The following PHLPP1 variants were observed in gnomAD, a reference collection of about 807,000 sequenced individuals.
The protein encoded by PHLPP1 is PH domain leucine-rich repeat-containing protein phosphatase 1.
In PHLPP1, 42 loss-of-function variants were observed where a neutral mutation model predicts 117.2. The observed-to-expected ratio is 0.36, with a 90% CI of 0.28 to 0.46. PHLPP1 has a LOEUF of 0.46. Ranked by LOEUF, PHLPP1 falls within the 20% of genes least tolerant of loss-of-function variation. The pLI is 1.00. For synonymous variants in PHLPP1, 1,042 were observed against 970.7 expected (o/e 1.07, Z -1.37); for missense variants, 2,084 against 2,241.9 (o/e 0.93, Z 1.42).
chr18:62,878,423 A>G (rs1370521354), intron 4 of PHLPP1, among the ~76,000 whole-genome samples: 2 of 152,224 alleles, frequency 1.3e-5, no homozygotes, highest in Non-Finnish European at 2.9e-5. Flanking sequence ...TCTGGAGCTC[A>G]TTCAGACAAC....
intron 6 of PHLPP1, 124 bp downstream of exon 6, chr18:62,896,135 G>A (rs1489568808): frequency 9.6e-6 from 6 of 625,246 alleles, no homozygotes; most frequent in Admixed American, 2.9e-5. Context: ...TTCTATTTCT[G>A]CCTAGAGGGA....
chr18:62,875,704 A>G lies in PHLPP1; in HGVS notation c.2066+15103A>G, dbSNP rs189308243. ...GTATTTGTAGCAACTTCTTTGCAAAAGGTATTTGTAGCAACTTTTTTTTTT... is the reference window on the plus strand; with the variant it reads ...GTATTTGTAGCAACTTCTTTGCAAAGGGTATTTGTAGCAACTTTTTTTTTT... On this transcript the variant is annotated intron_variant, in intron 4 of 16. Coordinates refer to ENST00000262719, the MANE Select transcript of PHLPP1 (RefSeq NM_194449.4). Among the ~76,000 whole-genome samples, 5 of 145,394 alleles carry G rather than the reference A, an allele frequency of 3.4e-5. No individual in the cohort carries two copies. The East Asian group carries it at 7.9e-4, about 23-fold the overall frequency.
intron 14 of PHLPP1, among the ~76,000 whole-genome samples, chr18:62,970,106 C>G (rs972691145): frequency 1.3e-5 from 2 of 151,446 alleles, no homozygotes; most frequent in African/African-American, 4.9e-5. Context: ...CTTATTCTAC[C>G]GTGTGTCTCT....
At chr18:62,836,839 C>T (rs1914918305) in intron 2 of PHLPP1, among the ~76,000 whole-genome samples, 1 of 151,898 alleles carries the variant, frequency 6.6e-6, no homozygotes, top group Admixed American at 6.6e-5. Flanking sequence ...AGGCTGTAAT[C>T]CCATCTACTC....
At chr18:62,860,303 G>T in intron 3 of PHLPP1, 132 bp from the exon 4 acceptor site, 2 of 720,314 alleles carry the variant, frequency 2.8e-6, no homozygotes, top group South Asian at 1.8e-5. Context: ...ATACTCTGTT[G>T]GTTTATATTT....
chr18:62,736,834 A>G (rs929298930), intron 1 of PHLPP1, among the ~76,000 whole-genome samples: 3 of 152,214 alleles, frequency 2.0e-5, no homozygotes, highest in Admixed American at 1.3e-4. Flanking sequence ...GGTAACTCTC[A>G]GGAAGTGATA....
intron 1 of PHLPP1, among the ~76,000 whole-genome samples, chr18:62,761,464 C>A (rs1912229371): frequency 6.6e-6 from 1 of 151,776 alleles, no homozygotes; most frequent in Admixed American, 6.5e-5. Flanking sequence ...AACCCCGTCT[C>A]TACTAAAAAT....
At chr18:62,820,934 A>T (rs1914433777) in intron 1 of PHLPP1, among the ~76,000 whole-genome samples, 1 of 152,258 alleles carries the variant, frequency 6.6e-6, no homozygotes, top group South Asian at 2.1e-4. Context: ...ATGGGATTAA[A>T]CCAGAGACCA....
chr18:62,920,723 C>A (rs1208464675), intron 10 of PHLPP1, among the ~76,000 whole-genome samples: 2 of 151,976 alleles, frequency 1.3e-5, no homozygotes, highest in Non-Finnish European at 2.9e-5. Flanking sequence ...CCACGCCCAG[C>A]TAATTTTTTG....
chr18:62,951,159 T>G (rs956003355), intron 12 of PHLPP1, among the ~76,000 whole-genome samples: 8 of 152,166 alleles, frequency 5.3e-5, no homozygotes, highest in African/African-American at 1.7e-4. Flanking sequence ...TTTTTTGTAT[T>G]TTTAGTAGAG....
At chr18:62,825,598 C>G (rs1476957676) in intron 1 of PHLPP1, 1 of 151,686 alleles carries the variant, frequency 6.6e-6, no homozygotes, top group African/African-American at 2.4e-5. Flanking sequence ...TTAGCTGGGA[C>G]TACAGGTGCC....
At chr18:62,973,707 G>C (rs1911116056) in intron 15 of PHLPP1, among the ~76,000 whole-genome samples, 1 of 152,188 alleles carries the variant, frequency 6.6e-6, no homozygotes, top group Admixed American at 6.5e-5. Context: ...CTGACTTTCA[G>C]ATTCTCAGTG....
intron 1 of PHLPP1, among the ~76,000 whole-genome samples, chr18:62,821,548 C>CAAAAAAAAAAAAAAAAAAAAAAAAAAA (rs1568127680): frequency 6.8e-4 from 20 of 29,296 alleles, no homozygotes; most frequent in Non-Finnish European, 7.0e-4. Flanking sequence ...GACCCTTTAT[C>CAAAAAAAAAAAAAAAAAAAAAAAAAAA]CAAAAAAAAA....
At chr18:62,757,738 T>C (rs190537766) in intron 1 of PHLPP1, among the ~76,000 whole-genome samples, 1 of 152,368 alleles carries the variant, frequency 6.6e-6, no homozygotes, top group Admixed American at 6.5e-5. Flanking sequence ...GCCTTGGTGC[T>C]TGCTTACCTT....
intron 14 of PHLPP1, among the ~76,000 whole-genome samples, chr18:62,966,401 A>G (rs1050678392): frequency 1.4e-5 from 2 of 144,724 alleles, no homozygotes; most frequent in Non-Finnish European, 3.0e-5. Flanking sequence ...TTATTAATTT[A>G]TATATGTAAG....
chr18:62,976,636 A>C (rs769568663), intron 16 of PHLPP1, among the ~76,000 whole-genome samples: 1 of 152,236 alleles, frequency 6.6e-6, no homozygotes. Flanking sequence ...CTCCAAGAAT[A>C]GACAGAGAAC....
chr18:62,802,971 AG>A (rs1175789909), intron 1 of PHLPP1, among the ~76,000 whole-genome samples: 4 of 152,214 alleles, frequency 2.6e-5, no homozygotes, highest in South Asian at 4.1e-4. Flanking sequence ...GGTTGAATAA[AG>A]GTAAGTGGCA....
At chr18:62,966,092 C>G (rs1015263524) in intron 14 of PHLPP1, among the ~76,000 whole-genome samples, 12 of 152,018 alleles carry the variant, frequency 7.9e-5, no homozygotes, top group African/African-American at 2.9e-4. Context: ...TACTTTCTTG[C>G]TGTGTGACCA....
intron 6 of PHLPP1, among the ~76,000 whole-genome samples, chr18:62,902,308 A>G (rs541905459): frequency 6.6e-6 from 1 of 152,110 alleles, no homozygotes; most frequent in Non-Finnish European, 1.5e-5. Context: ...TATTTTCTGC[A>G]CTTCACTCTA....
Sources: gnomAD v4.1 joint callset for allele counts (sites outside exome capture counted in the v4.1 genomes callset) on GRCh38, gnomAD v4.1.1 for gene constraint, MANE v1.5 for transcripts, NCBI Gene and HGNC (gene_info 2026-07-23, HGNC 2026-07-21) for gene names.